Variants in ARK2C observed in about 807,000 individuals in gnomAD.
ARK2C encodes E3 ubiquitin-protein ligase ARK2C.
chr18:46,405,378 G>C, the ARK2C span, among the ~76,000 whole-genome samples: 14 of 152,264 alleles, frequency 9.2e-5, no homozygotes, highest in African/African-American at 2.9e-4. Context: ...AGGGGGCCTG[G>C]CTGAAATGTG....
the ARK2C span, among the ~76,000 whole-genome samples, chr18:46,416,818 G>A: frequency 6.6e-6 from 1 of 152,358 alleles, no homozygotes; most frequent in East Asian, 1.9e-4. Context: ...GACCAAGAGA[G>A]AGTGGAAACT....
the ARK2C span, among the ~76,000 whole-genome samples, chr18:46,417,725 G>A: frequency 1.3e-5 from 2 of 152,150 alleles, no homozygotes; most frequent in Non-Finnish European, 2.9e-5. Flanking sequence ...ACATAAGGCC[G>A]GGAGCGGTGG....
At chr18:46,455,759 C>T in the ARK2C span, among the ~76,000 whole-genome samples, 5 of 152,168 alleles carry the variant, frequency 3.3e-5, no homozygotes, top group African/African-American at 1.2e-4. Context: ...CGCTTGAACC[C>T]AGGAGGTGGA....
At chr18:46,435,246 G>C in the ARK2C span, 1 of 1,575,064 alleles carries the variant, frequency 6.3e-7, no homozygotes, top group African/African-American at 1.3e-5. Flanking sequence ...CTAGTGGCCT[G>C]GGTAGCCCCT....
chr18:46,405,464 G>A, the ARK2C span, among the ~76,000 whole-genome samples: 244 of 152,322 alleles, frequency 1.6e-3, no homozygotes, highest in African/African-American at 5.8e-3. Context: ...CAGGAGGGCT[G>A]CAGACACAGC....
At chr18:46,366,478 C>T in the ARK2C span, among the ~76,000 whole-genome samples, 20 of 152,238 alleles carry the variant, frequency 1.3e-4, no homozygotes, top group African/African-American at 4.3e-4. Flanking sequence ...CACTCAGATA[C>T]TCATTTTATG....
the ARK2C span, among the ~76,000 whole-genome samples, chr18:46,399,096 T>C: frequency 6.6e-6 from 1 of 152,156 alleles, no homozygotes; most frequent in Non-Finnish European, 1.5e-5. Context: ...ACTGACAAGA[T>C]ACCTTCAACT....
the ARK2C span, among the ~76,000 whole-genome samples, chr18:46,408,697 G>A: frequency 3.3e-5 from 5 of 152,224 alleles, no homozygotes; most frequent in African/African-American, 1.2e-4. Context: ...AGGGTTGCTG[G>A]AACAGTCCGA....
chr18:46,404,879 CAG>C, the ARK2C span, among the ~76,000 whole-genome samples: 16 of 152,182 alleles, frequency 1.1e-4, no homozygotes, highest in Non-Finnish European at 1.9e-4. Flanking sequence ...GTTGGAGAAA[CAG>C]AGGCATAGGA....
At chr18:46,410,473 G>A in the ARK2C span, among the ~76,000 whole-genome samples, 3 of 152,324 alleles carry the variant, frequency 2.0e-5, no homozygotes, top group South Asian at 4.1e-4. Context: ...GAGACTGAGG[G>A]GCAAACTCAC....
chr18:46,449,402 C>T, the ARK2C span, among the ~76,000 whole-genome samples: 12 of 152,142 alleles, frequency 7.9e-5, no homozygotes, highest in Non-Finnish European at 1.6e-4. Context: ...ATCTTTATTA[C>T]TGAGGCTTTT....
chr18:46,389,275 CAATGGGT>C, the ARK2C span, among the ~76,000 whole-genome samples: 1 of 152,210 alleles, frequency 6.6e-6, no homozygotes. Context: ...GATAGAGATT[CAATGGGT>C]AAATTTCTGT....
chr18:46,400,025 C>T, the ARK2C span, among the ~76,000 whole-genome samples: 3 of 152,298 alleles, frequency 2.0e-5, no homozygotes, highest in East Asian at 1.9e-4. Flanking sequence ...GATCTTCAGC[C>T]TCTGGGCCCC....
At chr18:46,356,919 C>T in the ARK2C span, among the ~76,000 whole-genome samples, 4 of 152,190 alleles carry the variant, frequency 2.6e-5, no homozygotes, top group Non-Finnish European at 4.4e-5. Context: ...GGAGCCCCGG[C>T]TGGAAAGGCG....
the ARK2C span, chr18:46,337,508 C>T: frequency 1.0e-5 from 10 of 985,190 alleles, no homozygotes; most frequent in African/African-American, 3.5e-5. Flanking sequence ...GCTCATTGTA[C>T]GCTGCTTTTG....
the ARK2C span, among the ~76,000 whole-genome samples, chr18:46,338,335 G>A: frequency 6.6e-6 from 1 of 152,178 alleles, no homozygotes; most frequent in Non-Finnish European, 1.5e-5. Flanking sequence ...GCTGACTCAG[G>A]CCACTCCCAC....
the ARK2C span, among the ~76,000 whole-genome samples, chr18:46,348,252 G>A: frequency 1.3e-5 from 2 of 151,856 alleles, no homozygotes; most frequent in Non-Finnish European, 2.9e-5. Context: ...GGGAGGGGAA[G>A]GGCAGGCTGA....
the ARK2C span, among the ~76,000 whole-genome samples, chr18:46,416,649 G>C: frequency 6.6e-6 from 1 of 152,220 alleles, no homozygotes; most frequent in Non-Finnish European, 1.5e-5. Context: ...TGGTAATTTG[G>C]GTTGGGCTCA....
chr18:46,359,075 G>A, the ARK2C span, among the ~76,000 whole-genome samples: 172 of 152,300 alleles, frequency 1.1e-3, 1 homozygote, highest in Non-Finnish European at 2.1e-3. Context: ...TGTCCTCCCC[G>A]TAAAAGGAGA....
Sources: gnomAD v4.1 joint callset for allele counts (sites outside exome capture counted in the v4.1 genomes callset) on GRCh38, gnomAD v4.1.1 for gene constraint, MANE v1.5 for transcripts, NCBI Gene and HGNC (gene_info 2026-07-23, HGNC 2026-07-21) for gene names.